PKP4: variants seen among roughly 807,000 people sequenced by gnomAD.
PKP4 encodes plakophilin-4.
In PKP4, 90 loss-of-function variants were observed where a neutral mutation model predicts 145.1. The ratio of observed to expected loss-of-function variants is 0.62; its 90% CI spans 0.52 to 0.74. The LOEUF (loss-of-function observed/expected upper bound fraction) is 0.74, where lower values mean the gene tolerates loss of function less well. Ranked by LOEUF, PKP4 falls within the 30% of genes least tolerant of loss-of-function variation. The probability of loss-of-function intolerance (pLI) is 0.00; values close to 1 mark genes in which losing one functional copy is unlikely to be tolerated. For synonymous variants in PKP4, 563 were observed against 577.2 expected (o/e 0.98, Z 0.35); for missense variants, 1,340 against 1,482.7 (o/e 0.90, Z 1.58).
At chr2:158,661,614 C>T (rs893657218) in intron 13 of PKP4, 164 bp downstream of exon 13, 30 of 540,826 alleles carry the variant, frequency 5.5e-5, no homozygotes, top group South Asian at 2.1e-4. Context: ...GGGGCAAGGA[C>T]GTGGCAACTT....
At chr2:158,588,801 T>C (rs1242895660) in intron 3 of PKP4, 1 of 152,132 alleles carries the variant, frequency 6.6e-6, no homozygotes, top group Non-Finnish European at 1.5e-5. Context: ...TTTTCTTTAG[T>C]GACTCTGCAT....
Position 158,673,661 on chromosome 2 carries a change from C to G in PKP4, c.2925-16C>G. On this transcript the variant is annotated splice_polypyrimidine_tract_variant and intron_variant, in intron 17 of 21. Coordinates refer to ENST00000389759, the MANE Select transcript of PKP4 (RefSeq NM_003628.6). ...TGTGTCACCCACATTCATTAATATCCTTGCTCTCTACCTAGATCATCTCTG... is the reference window on the plus strand; with the variant it reads ...TGTGTCACCCACATTCATTAATATCGTTGCTCTCTACCTAGATCATCTCTG... The G allele has an allele frequency of 6.3e-7, 1 of 1,590,424 alleles. No individual in the cohort carries two copies. Among genetic ancestry groups the G allele is most frequent in the Non-Finnish European group, 8.6e-7 (1 of 1,159,766 alleles).
At position 158,670,566 on chromosome 2, in the gene PKP4, G is replaced by A. The variant is rs1398027648; in HGVS notation, c.2924+651G>A. ...GGTCATGCCAACTCCTGGAAGAATT[G>A]GAAATGCCAGGATGAGAAAAATCTA... is the stretch of plus-strand genomic sequence containing the variant. On this transcript the variant is annotated intron_variant, in intron 17 of 21. Transcript: ENST00000389759. 3.3e-5 allele frequency among the ~76,000 whole-genome samples: 5 copies of A among 152,214 alleles called. No individual in the cohort carries two copies. The East Asian group carries it at 9.7e-4, about 29-fold the overall frequency.
intron 3 of PKP4, among the ~76,000 whole-genome samples, chr2:158,579,146 G>T (rs2048112612): frequency 6.6e-6 from 1 of 152,146 alleles, no homozygotes; most frequent in Admixed American, 6.5e-5. Flanking sequence ...AGTCCCCAGT[G>T]AGAAAATGGC....
chr2:158,522,148 T>G (rs2042434195), intron 1 of PKP4, among the ~76,000 whole-genome samples: 1 of 152,310 alleles, frequency 6.6e-6, no homozygotes, highest in Non-Finnish European at 1.5e-5. Flanking sequence ...TAAAGTGTAC[T>G]TGGTATGCTT....
intron 1 of PKP4, among the ~76,000 whole-genome samples, chr2:158,512,756 C>T (rs1200821145): frequency 6.6e-6 from 1 of 152,240 alleles, no homozygotes; most frequent in Non-Finnish European, 1.5e-5. Flanking sequence ...CCTAAAGTCA[C>T]ATCACAGAAC....
At chr2:158,509,665 G>A (rs2041317961) in intron 1 of PKP4, among the ~76,000 whole-genome samples, 1 of 152,116 alleles carries the variant, frequency 6.6e-6, no homozygotes, top group Non-Finnish European at 1.5e-5. Context: ...ATACTAGTGT[G>A]GGCCGGGCGC....
chr2:158,615,078 T>A (rs2051470350), intron 4 of PKP4, among the ~76,000 whole-genome samples: 1 of 152,138 alleles, frequency 6.6e-6, no homozygotes, highest in African/African-American at 2.4e-5. Flanking sequence ...TTCTTTCTTT[T>A]TGATAGTGAA....
chr2:158,568,512 G>A (rs1413900257), intron 2 of PKP4, among the ~76,000 whole-genome samples: 2 of 152,124 alleles, frequency 1.3e-5, no homozygotes, highest in Non-Finnish European at 2.9e-5. Flanking sequence ...TCTGGGTAAG[G>A]CCATGGTTTA....
chr2:158,541,798 G>T (rs1015937299), intron 2 of PKP4, among the ~76,000 whole-genome samples: 3 of 152,078 alleles, frequency 2.0e-5, no homozygotes, highest in African/African-American at 7.2e-5. Context: ...CATCAGTGAA[G>T]TGTTCATCGT....
At chr2:158,598,595 G>A (rs552723652) in intron 3 of PKP4, among the ~76,000 whole-genome samples, 5 of 152,050 alleles carry the variant, frequency 3.3e-5, no homozygotes, top group African/African-American at 4.8e-5. Flanking sequence ...GTGAAACCCC[G>A]TCTCTACTAA....
chr2:158,647,735 T>C (rs902255366), intron 11 of PKP4, among the ~76,000 whole-genome samples: 1 of 152,224 alleles, frequency 6.6e-6, no homozygotes, highest in African/African-American at 2.4e-5. Flanking sequence ...AGTGCTGATA[T>C]ATGTGAGTGC....
At chr2:158,519,683 C>T (rs554983864) in intron 1 of PKP4, among the ~76,000 whole-genome samples, 16 of 152,234 alleles carry the variant, frequency 1.1e-4, no homozygotes, top group East Asian at 1.9e-4. Context: ...CATTTTGGCA[C>T]GCTGATGACA....
intron 3 of PKP4, among the ~76,000 whole-genome samples, chr2:158,585,164 T>G (rs1451979952): frequency 1.3e-5 from 2 of 152,198 alleles, no homozygotes; most frequent in Non-Finnish European, 1.5e-5. Context: ...TTTGGTCCCT[T>G]CACATTGTTC....
intron 6 of PKP4, among the ~76,000 whole-genome samples, chr2:158,623,571 A>G (rs562161084): frequency 6.6e-6 from 1 of 152,030 alleles, no homozygotes; most frequent in Admixed American, 6.5e-5. Flanking sequence ...TTTCCTCCCC[A>G]TGTCTTCTCC....
Position 158,673,672 on chromosome 2 carries a change from C to A in PKP4, c.2925-5C>A. On this transcript the variant is annotated splice_polypyrimidine_tract_variant and splice_region_variant and intron_variant, in intron 17 of 21. Coordinates refer to ENST00000389759, the MANE Select transcript of PKP4 (RefSeq NM_003628.6). ...CATTCATTAATATCCTTGCTCTCTACCTAGATCATCTCTGAAAGTGGTGAA... is the reference window on the plus strand; with the variant it reads ...CATTCATTAATATCCTTGCTCTCTAACTAGATCATCTCTGAAAGTGGTGAA... 1.9e-6 allele frequency: 3 copies of A among 1,604,564 alleles called. No individual in the cohort carries two copies. The highest frequency in any genetic ancestry group is 2.6e-6 in the Non-Finnish European group (3 of 1,172,364).
rs534939863 is a variant in PKP4, at chr2:158,662,919, C to T, written c.2234C>T (p.Thr745Ile). 1.9e-6 allele frequency: 3 copies of T among 1,607,314 alleles called. No homozygotes were observed. The highest frequency in any genetic ancestry group is 2.7e-5 in the African/African-American group (2 of 74,488). ...CAGACGGTGGAGAACTGCGTGTGCA[C>T]CCTGAGGAACCTGTCCTATCGGCTG... ...DSKTVENCVC[T>I]LRNLSYRLEL... The change falls in exon 14 of 22, where the codon ACC (threonine) becomes ATC (isoleucine). Residue 745 changes from threonine (T) to isoleucine (I), a missense_variant. Transcript: ENST00000389759.
intron 2 of PKP4, among the ~76,000 whole-genome samples, chr2:158,552,249 AT>A (rs1310822632): frequency 1.3e-5 from 2 of 152,244 alleles, no homozygotes; most frequent in Non-Finnish European, 2.9e-5. Context: ...AGCCTCTGGA[AT>A]GAGTACGTCC....
chr2:158,586,704 G>A lies in PKP4; in HGVS notation c.245+9321G>A, dbSNP rs902954424. ...TCTGAAAGATACCAAATGAGTCAAA[G>A]CTGACCTGCAGCTCTACAGAAGTTG... On this transcript the variant is annotated intron_variant, in intron 3 of 21. Coordinates refer to ENST00000389759, the MANE Select transcript of PKP4 (RefSeq NM_003628.6). 3.3e-5 allele frequency among the ~76,000 whole-genome samples: 5 copies of A among 152,328 alleles called. No individual in the cohort carries two copies. In the East Asian group the frequency reaches 9.6e-4, roughly 29 times the overall value.
Sources: allele counts gnomAD v4.1 joint callset (sites outside exome capture counted in the v4.1 genomes callset), GRCh38; gene constraint gnomAD v4.1.1; transcripts MANE v1.5; gene names NCBI Gene and HGNC (gene_info 2026-07-23, HGNC 2026-07-21).